Variants in LIN9 observed in about 807,000 individuals in gnomAD.
The protein encoded by LIN9 is protein lin-9 homolog.
In LIN9, 18 loss-of-function variants were observed where a neutral mutation model predicts 78.0. That is an observed-to-expected ratio of 0.23 (90% CI 0.16 to 0.34). LIN9 has a LOEUF of 0.34. Ranked by LOEUF, LIN9 falls within the 10% of genes least tolerant of loss-of-function variation. The pLI is 1.00. For missense variants in LIN9, 451 were observed against 644.1 expected (o/e 0.70, Z 3.25); for synonymous variants, 192 against 215.2 (o/e 0.89, Z 0.94).
At chr1:226,289,265 C>CA (rs1661575140) in intron 4 of LIN9, among the ~76,000 whole-genome samples, 1 of 151,624 alleles carries the variant, frequency 6.6e-6, no homozygotes, top group Non-Finnish European at 1.5e-5. Context: ...AAAAAAATCT[C>CA]AAAAAAAGAA....
Position 226,285,986 on chromosome 1 carries a change from T to G in LIN9, c.524+347A>C, listed in dbSNP as rs117089108. 4.2e-3 allele frequency among the ~76,000 whole-genome samples: 633 copies of G among 152,318 alleles called. 26 individuals carry two copies. In the South Asian group the frequency reaches 0.075, roughly 18 times the overall value. On this transcript the variant is annotated intron_variant, in intron 6 of 14. Coordinates refer to ENST00000681046, the MANE Select transcript of LIN9 (RefSeq NM_001366245.2). Reference sequence around the variant, plus strand: ...TGCATACGTATAAACAGCACCTACATTAAAGTTGGTTAACAGGATATATTT... The same window carrying G: ...TGCATACGTATAAACAGCACCTACAGTAAAGTTGGTTAACAGGATATATTT...
chr1:226,305,950 G>GT (rs925333544), intron 1 of LIN9, among the ~76,000 whole-genome samples: 4 of 152,182 alleles, frequency 2.6e-5, no homozygotes, highest in African/African-American at 9.7e-5. Flanking sequence ...TATGCTGATG[G>GT]TAAGAAATGG....
chr1:226,309,543 A>C, upstream of LIN9: 1 of 1,180,452 alleles, frequency 8.5e-7, no homozygotes, highest in South Asian at 1.6e-5. Context: ...GGAGAACGGG[A>C]GGGAGGCCCC....
chr1:226,307,611 G>A (rs957595827), intron 1 of LIN9, among the ~76,000 whole-genome samples: 4 of 152,170 alleles, frequency 2.6e-5, no homozygotes, highest in Admixed American at 1.3e-4. Flanking sequence ...ACCCCAGCCT[G>A]GGCAATGAGT....
At chr1:226,242,662 G>C (rs371987034) in intron 11 of LIN9, among the ~76,000 whole-genome samples, 36 of 151,998 alleles carry the variant, frequency 2.4e-4, no homozygotes, top group African/African-American at 8.4e-4. Flanking sequence ...ATTAATTTTT[G>C]CAACAGCCTA....
intron 1 of LIN9, 85 bp from the exon 2 acceptor site, chr1:226,301,290 CATTTAGT>C: frequency 6.1e-6 from 6 of 977,716 alleles, no homozygotes; most frequent in Non-Finnish European, 9.4e-6. Context: ...AAAAGTGATC[CATTTAGT>C]TTTAGTAATG....
chr1:226,269,872 C>T (rs557475452), intron 7 of LIN9, among the ~76,000 whole-genome samples: 2 of 152,108 alleles, frequency 1.3e-5, no homozygotes, highest in Non-Finnish European at 2.9e-5. Context: ...AGGCTTTTCC[C>T]GATCAAGATG....
rs200049384 is a variant in LIN9 at position 226,297,826 on chromosome 1, G to A, written c.65-13C>T. The A allele has an allele frequency of 5.3e-5, 78 of 1,470,218 alleles. 1 individual carries two copies. The African/African-American group carries it at 9.6e-4, about 18-fold the overall frequency. The allele number at this position is 1,470,218 out of a possible 1,614,324, so 91.1% of individuals were successfully genotyped here. On this transcript the variant is annotated splice_polypyrimidine_tract_variant and intron_variant, in intron 2 of 14. Transcript: ENST00000681046. ...GATAAGCTTCCTTCTGTAATAAATAGTTAATACTAATGGAATTTTGGCTTA... is the reference window on the plus strand; with the variant it reads ...GATAAGCTTCCTTCTGTAATAAATAATTAATACTAATGGAATTTTGGCTTA...
At chr1:226,242,179 C>A (rs1440821980) in intron 11 of LIN9, among the ~76,000 whole-genome samples, 5 of 152,184 alleles carry the variant, frequency 3.3e-5, no homozygotes, top group Non-Finnish European at 5.9e-5. Context: ...AGTTATCAAA[C>A]AGTATGGTAT....
At chr1:226,248,291 G>A (rs1002010720) in intron 11 of LIN9, among the ~76,000 whole-genome samples, 2 of 152,074 alleles carry the variant, frequency 1.3e-5, no homozygotes, top group African/African-American at 4.8e-5. Flanking sequence ...CATCATATTT[G>A]CCAACTCTGG....
chr1:226,236,108 T>C (rs1290269626), intron 12 of LIN9, among the ~76,000 whole-genome samples: 1 of 152,132 alleles, frequency 6.6e-6, no homozygotes, highest in African/African-American at 2.4e-5. Context: ...GGCATTTATG[T>C]TTATTTCTAA....
chr1:226,258,202 A>G (rs1248744957), intron 10 of LIN9, among the ~76,000 whole-genome samples: 1 of 151,328 alleles, frequency 6.6e-6, no homozygotes, highest in Non-Finnish European at 1.5e-5. Context: ...AAACAAACAA[A>G]CAAACAAACA....
chr1:226,292,239 C>A (rs1576349255), intron 4 of LIN9, among the ~76,000 whole-genome samples: 1 of 152,210 alleles, frequency 6.6e-6, no homozygotes, highest in East Asian at 1.9e-4. Flanking sequence ...CGGCTCACTG[C>A]AGCTTCCACC....
At chr1:226,254,274 C>T (rs1049228931) in intron 10 of LIN9, among the ~76,000 whole-genome samples, 5 of 152,022 alleles carry the variant, frequency 3.3e-5, no homozygotes, top group Admixed American at 2.0e-4. Context: ...CTGTGCCTGG[C>T]GGCAAAACAT....
intron 11 of LIN9, among the ~76,000 whole-genome samples, chr1:226,243,557 G>A (rs889808568): frequency 4.7e-4 from 71 of 151,812 alleles, no homozygotes; most frequent in African/African-American, 1.5e-3. Context: ...TTAGCTGGGC[G>A]TGGTGGTGCG....
intron 10 of LIN9, among the ~76,000 whole-genome samples, chr1:226,261,740 C>A (rs376534378): frequency 6.6e-6 from 1 of 152,066 alleles, no homozygotes; most frequent in Non-Finnish European, 1.5e-5. Context: ...AAAATCCCAG[C>A]GAGTTGTTTT....
chr1:226,285,449 A>G (rs995176550), intron 6 of LIN9, among the ~76,000 whole-genome samples: 3 of 152,174 alleles, frequency 2.0e-5, no homozygotes, highest in African/African-American at 7.2e-5. Context: ...TTAAATCTAA[A>G]TTCCATTTCT....
rs201722932 is a variant in LIN9, at chr1:226,232,661, A to T, written c.1524-55T>A. 161 of 1,176,720 alleles carry T rather than the reference A, an allele frequency of 1.4e-4. 2 individuals carry two copies. The East Asian group carries it at 3.8e-3, about 28-fold the overall frequency. 72.9% of individuals were successfully genotyped at this position (1,176,720 alleles called of 1,614,324 possible). On this transcript the variant is annotated intron_variant, in intron 14 of 14. Transcript: ENST00000681046. ...TTTATTTCAAAAAATTAAGAAAAAAATTTTTAAAAGAAGACCTGAATTTTA... is the reference window on the plus strand; with the variant it reads ...TTTATTTCAAAAAATTAAGAAAAAATTTTTTAAAAGAAGACCTGAATTTTA...
At chr1:226,280,954 G>C (rs1398266600) in intron 6 of LIN9, among the ~76,000 whole-genome samples, 1 of 152,154 alleles carries the variant, frequency 6.6e-6, no homozygotes, top group Non-Finnish European at 1.5e-5. Context: ...ATATCAAAGA[G>C]ATATCTGTAC....
Sources: gnomAD v4.1 joint callset for allele counts (sites outside exome capture counted in the v4.1 genomes callset) on GRCh38, gnomAD v4.1.1 for gene constraint, MANE v1.5 for transcripts, NCBI Gene and HGNC (gene_info 2026-07-23, HGNC 2026-07-21) for gene names.